The following TCF3 variants were observed in gnomAD, a reference collection of about 807,000 sequenced individuals.
TCF3 encodes the protein transcription factor E2-alpha.
A neutral mutation model predicts 72.3 loss-of-function variants in TCF3; 54 were observed. The observed-to-expected ratio is 0.75, with a 90% CI of 0.60 to 0.94. The LOEUF is 0.94. TCF3 is among the 40% of genes least tolerant of loss of function. The pLI, the probability that TCF3 is intolerant of heterozygous loss-of-function variation, is 0.00. For missense variants in TCF3, 1,078 were observed against 934.4 expected (o/e 1.15, Z -2.00); for synonymous variants, 525 against 412.6 (o/e 1.27, Z -3.30).
At chr19:1,620,942 C>T (rs2146075733) in intron 13 of TCF3, 26 bp downstream of exon 13, 1 of 1,467,870 alleles carries the variant, frequency 6.8e-7, no homozygotes, top group Non-Finnish European at 9.0e-7. Flanking sequence ...ACCTCAGCCT[C>T]CCCTCCCCCC....
At chr19:1,624,112 G>C in intron 7 of TCF3, 112 bp from the exon 8 acceptor site, 1 of 1,086,274 alleles carries the variant, frequency 9.2e-7, no homozygotes, top group Non-Finnish European at 1.4e-6. Context: ...AAAAACCTCG[G>C]GTCGGCTGGG....
chr19:1,619,566 G>C, intron 14 of TCF3, 92 bp from the exon 15 acceptor site: 7 of 1,471,964 alleles, frequency 4.8e-6, no homozygotes, highest in Non-Finnish European at 5.4e-6. Context: ...GTGGCCGGTG[G>C]TCCCATCTTC....
chr19:1,622,520 C>G (rs1169613095), intron 8 of TCF3, 105 bp from the exon 9 acceptor site: 44 of 609,802 alleles, frequency 7.2e-5, no homozygotes, highest in Non-Finnish European at 1.0e-4. Flanking sequence ...CATCTACCAC[C>G]CCGTTTCCCT....
intron 5 of TCF3, among the ~76,000 whole-genome samples, chr19:1,627,683 T>A (rs1599720684): frequency 1.3e-5 from 2 of 151,740 alleles, no homozygotes; most frequent in Admixed American, 1.3e-4. Flanking sequence ...CAAGAAGGGG[T>A]CCCCGATGAT....
chr19:1,631,601 C>G (rs996428604), intron 5 of TCF3, among the ~76,000 whole-genome samples: 2 of 152,050 alleles, frequency 1.3e-5, no homozygotes, highest in Non-Finnish European at 2.9e-5. Flanking sequence ...ACAGGAGGGC[C>G]CCCCAGGGAA....
chr19:1,651,819 G>A lies in TCF3; in HGVS notation c.-40+481C>T, dbSNP rs541054326. On this transcript the variant is annotated intron_variant, in intron 1 of 18. Transcript: ENST00000262965. Reference sequence around the variant, plus strand: ...CGCGCGCCCCCCCCCGGCCCGCCCGGCCCCGACCAGCGCCTGCAGCGCGCG... The same window carrying A: ...CGCGCGCCCCCCCCCGGCCCGCCCGACCCCGACCAGCGCCTGCAGCGCGCG... 1.0e-3 allele frequency among the ~76,000 whole-genome samples: 155 copies of A among 149,076 alleles called. 1 individual carries two copies. Among genetic ancestry groups the A allele is most frequent in the South Asian group, 7.6e-3 (36 of 4,726 alleles).
chr19:1,637,204 G>A (rs1442102809), intron 3 of TCF3, among the ~76,000 whole-genome samples: 4 of 138,900 alleles, frequency 2.9e-5, no homozygotes, highest in Admixed American at 2.3e-4. Context: ...GGGGCGCCTC[G>A]CAACCTCCTC....
intron 7 of TCF3, among the ~76,000 whole-genome samples, chr19:1,624,877 G>C (rs2062694952): frequency 6.6e-6 from 1 of 152,166 alleles, no homozygotes; most frequent in African/African-American, 2.4e-5. Flanking sequence ...GCAGGGTCTT[G>C]CGCTGTTGCT....
At position 1,642,723 on chromosome 19, in the gene TCF3, T is replaced by C. The variant is rs4807943; in HGVS notation, c.145+3632A>G. Among the ~76,000 whole-genome samples the C allele has an allele frequency of 0.016, 2,422 of 152,290 alleles. 146 individuals carry two copies. The East Asian group carries it at 0.16, about 10-fold the overall frequency. ...CCTAGTCCCAGGTACTCCTCTTGCC[T>C]TGGCCTCCCAAGTGCTGGGATTACA... On this transcript the variant is annotated intron_variant, in intron 3 of 18. Transcript: ENST00000262965.
At position 1,642,186 on chromosome 19, in the gene TCF3, GCAGA is replaced by G. The variant is rs201821269; in HGVS notation, c.145+4165_145+4168del. Among the ~76,000 whole-genome samples the G allele has an allele frequency of 5.5e-3, 785 of 143,022 alleles. 5 individuals are homozygous for G. Among genetic ancestry groups the G allele is most frequent in the African/African-American group, 0.018 (703 of 38,158 alleles). The allele number at this position is 143,022 out of a possible 152,430, so 93.8% of individuals were successfully genotyped here. On this transcript the variant is annotated intron_variant, in intron 3 of 18. Coordinates refer to ENST00000262965, the MANE Select transcript of TCF3 (RefSeq NM_003200.5). Reference sequence around the variant, plus strand: ...CACACGCACGCGTACACACACGCACGCAGACACAGACGCAGACACGCACACACGC... The same window carrying G: ...CACACGCACGCGTACACACACGCACGCACAGACGCAGACACGCACACACGC...
intron 6 of TCF3, among the ~76,000 whole-genome samples, chr19:1,626,578 G>C (rs1243936868): frequency 6.6e-6 from 1 of 152,178 alleles, no homozygotes; most frequent in Non-Finnish European, 1.5e-5. Context: ...GCCACCGCGG[G>C]GCTCGATGAG....
At chr19:1,646,304 G>C (rs1471686421) in intron 3 of TCF3, 51 bp downstream of exon 3, 3 of 1,528,524 alleles carry the variant, frequency 2.0e-6, no homozygotes, top group Non-Finnish European at 2.7e-6. Flanking sequence ...GTCTTCAACA[G>C]ACCCTTGATC....
intron 3 of TCF3, among the ~76,000 whole-genome samples, chr19:1,645,825 C>T (rs1199475120): frequency 6.6e-6 from 1 of 152,200 alleles, no homozygotes; most frequent in Non-Finnish European, 1.5e-5. Context: ...AGCCGCGGGT[C>T]CCAGGAATTG....
intron 3 of TCF3, among the ~76,000 whole-genome samples, chr19:1,636,466 A>T (rs1011531026): frequency 3.2e-4 from 48 of 152,146 alleles, no homozygotes; most frequent in Non-Finnish European, 6.8e-4. Flanking sequence ...TGGTGAATTT[A>T]AAAAAATTTT....
Position 1,632,335 on chromosome 19 carries a change from G to T in TCF3, c.216C>A (p.Ser72Arg). The change falls in exon 4 of 19, where the codon AGC becomes AGA. Residue 72 changes from serine (S) to arginine (R), a missense_variant. Transcript: ENST00000262965. Reference sequence around the variant, plus strand: ...CAGGCCTCACGGGGACTCCTACCCGGCTGGGGTCAAAGGAGGAGCTGCTCT... The same window carrying T: ...CAGGCCTCACGGGGACTCCTACCCGTCTGGGGTCAAAGGAGGAGCTGCTCT... ...GDQSSSSFDP[S>R]RTFSEGTHFT... 1 of 1,585,036 alleles carries T rather than the reference G, an allele frequency of 6.3e-7. No individual in the cohort carries two copies. Among genetic ancestry groups the T allele is most frequent in the Non-Finnish European group, 8.6e-7 (1 of 1,165,670 alleles).
chr19:1,651,918 G>A (rs1053697382), intron 1 of TCF3, among the ~76,000 whole-genome samples: 3 of 151,004 alleles, frequency 2.0e-5, no homozygotes, highest in Non-Finnish European at 3.0e-5. Context: ...CCCGGGCCGG[G>A]CCCCCCTCTA....
At chr19:1,612,911 T>TA (rs1358996780) in intron 18 of TCF3, among the ~76,000 whole-genome samples, 1 of 135,194 alleles carries the variant, frequency 7.4e-6, no homozygotes, top group Non-Finnish European at 1.6e-5. Flanking sequence ...GCAGTGGGGG[T>TA]ACACGGCTGG....
chr19:1,645,739 G>T (rs377440168), intron 3 of TCF3, among the ~76,000 whole-genome samples: 1 of 152,030 alleles, frequency 6.6e-6, no homozygotes, highest in Non-Finnish European at 1.5e-5. Context: ...TATCTGTCCC[G>T]CCCACTGCTG....
Position 1,625,708 on chromosome 19 carries a change from C to G in TCF3, c.367G>C (p.Ala123Pro). 1 of 1,504,736 alleles carries G rather than the reference C, an allele frequency of 6.6e-7. No homozygotes were observed. Among genetic ancestry groups the G allele is most frequent in the South Asian group, 1.3e-5 (1 of 77,798 alleles). The allele number at this position is 1,504,736 out of a possible 1,614,324, so 93.2% of individuals were successfully genotyped here. Residue 123 changes from alanine to proline, a missense_variant and splice_region_variant, in exon 7 of 19, where the codon GCT (alanine) becomes CCT (proline). Physicochemically the swap from Ala to Pro is conservative, Grantham distance 27. Coordinates refer to ENST00000262965, the MANE Select transcript of TCF3 (RefSeq NM_003200.5). ...GCCAGCTCGCCTGACAGGAAGCCAG[C>G]CTGGTGGGGAGCGGATGGTCAGAAA... ...RDAGVGGLTQ[A>P]GFLSGELALN... is the part of the protein sequence containing the mutation.
Sources: gnomAD v4.1 joint callset for allele counts (sites outside exome capture counted in the v4.1 genomes callset) on GRCh38, gnomAD v4.1.1 for gene constraint, MANE v1.5 for transcripts, NCBI Gene and HGNC (gene_info 2026-07-23, HGNC 2026-07-21) for gene names.